Variants in GALNT13 observed in about 807,000 individuals in gnomAD.
The protein encoded by GALNT13 is polypeptide N-acetylgalactosaminyltransferase 13, also known as UDP-GalNAc:polypeptide N-acetylgalactosaminyltransferase 13.
In GALNT13, 28 loss-of-function variants were observed where a neutral mutation model predicts 64.2. The observed-to-expected ratio is 0.44, with a 90% CI of 0.32 to 0.60. The LOEUF (loss-of-function observed/expected upper bound fraction) is 0.60. Ranked by LOEUF, GALNT13 falls within the 20% of genes least tolerant of loss-of-function variation. The pLI, the probability that GALNT13 is intolerant of heterozygous loss-of-function variation, is 0.05. For synonymous variants in GALNT13, 214 were observed against 224.6 expected (o/e 0.95, Z 0.42); for missense variants, 577 against 669.8 (o/e 0.86, Z 1.53).
At chr2:153,082,763 ATATATAT>A in the GALNT13 span, among the ~76,000 whole-genome samples, 1 of 145,722 alleles carries the variant, frequency 6.9e-6, no homozygotes, top group African/African-American at 2.5e-5. Context: ...AATAAATAAA[ATATATAT>A]TATTTATTGA....
In GALNT13 at chr2:154,298,479, A is replaced by ATTT. The variant is rs1693077890; in HGVS notation, c.976-2930_976-2929insTTT. ...TATATACATATATAAATTATATATA[A>ATTT]ATTATATATAAATTATATATACATA... On this transcript the variant is annotated intron_variant, in intron 8 of 12. Coordinates refer to ENST00000392825, the MANE Select transcript of GALNT13 (RefSeq NM_052917.4). Among the ~76,000 whole-genome samples the ATTT allele has an allele frequency of 1.1e-4, 14 of 133,100 alleles. No individual in the cohort carries two copies. The South Asian group carries it at 2.2e-3, about 21-fold the overall frequency. The allele number at this position is 133,100 out of a possible 152,430, so 87.3% of individuals were successfully genotyped here.
intron 10 of GALNT13, among the ~76,000 whole-genome samples, chr2:154,399,401 C>T (rs778069748): frequency 3.1e-4 from 47 of 152,032 alleles, no homozygotes; most frequent in Non-Finnish European, 1.5e-4. Context: ...AGGTGCCAAC[C>T]GATTTAGTGT....
At chr2:153,623,961 G>A in the GALNT13 span, among the ~76,000 whole-genome samples, 1 of 152,150 alleles carries the variant, frequency 6.6e-6, no homozygotes, top group Admixed American at 6.6e-5. Flanking sequence ...TCATGCACAT[G>A]TTGTTTAGAA....
the GALNT13 span, among the ~76,000 whole-genome samples, chr2:153,645,125 A>G: frequency 6.6e-6 from 1 of 152,298 alleles, no homozygotes; most frequent in South Asian, 2.1e-4. Flanking sequence ...GCAAAGAGTT[A>G]GAGGCAAGGT....
At chr2:154,038,294 A>C (rs973387668) in intron 3 of GALNT13, among the ~76,000 whole-genome samples, 8 of 152,162 alleles carry the variant, frequency 5.3e-5, no homozygotes, top group Non-Finnish European at 1.2e-4. Flanking sequence ...TTGAACCACA[A>C]AACACTTTGA....
the GALNT13 span, among the ~76,000 whole-genome samples, chr2:153,238,617 C>G: frequency 1.3e-5 from 2 of 151,886 alleles, no homozygotes; most frequent in East Asian, 1.9e-4. Context: ...GCTCTTGGCA[C>G]CTTTGTAGAA....
chr2:153,708,572 T>A, the GALNT13 span, among the ~76,000 whole-genome samples: 1 of 152,148 alleles, frequency 6.6e-6, no homozygotes, highest in Non-Finnish European at 1.5e-5. Context: ...GGACTGTGGC[T>A]TTAGTGTAAA....
chr2:153,786,664 A>G, the GALNT13 span, among the ~76,000 whole-genome samples: 1 of 151,966 alleles, frequency 6.6e-6, no homozygotes. Context: ...AGCTCATGCC[A>G]GCAGTGCAGC....
chr2:154,331,084 T>C (rs1475229142), intron 9 of GALNT13, among the ~76,000 whole-genome samples: 2 of 152,120 alleles, frequency 1.3e-5, no homozygotes, highest in Non-Finnish European at 2.9e-5. Flanking sequence ...TCATTATACA[T>C]ATTCCCTTTA....
chr2:154,063,234 A>G (rs1177716408), intron 3 of GALNT13, among the ~76,000 whole-genome samples: 2 of 152,158 alleles, frequency 1.3e-5, no homozygotes, highest in African/African-American at 4.8e-5. Context: ...TTGATCCTGC[A>G]TACCATCAAG....
chr2:154,335,122 C>T (rs1203689442), intron 9 of GALNT13, among the ~76,000 whole-genome samples: 1 of 151,950 alleles, frequency 6.6e-6, no homozygotes, highest in East Asian at 1.9e-4. Flanking sequence ...TTTCATTCTA[C>T]ACCCTACTTT....
chr2:153,336,002 C>T, the GALNT13 span, among the ~76,000 whole-genome samples: 15 of 152,260 alleles, frequency 9.9e-5, no homozygotes, highest in African/African-American at 3.6e-4. Context: ...AGTGGAAGCC[C>T]CAAGCCTTGG....
the GALNT13 span, among the ~76,000 whole-genome samples, chr2:153,673,564 T>C: frequency 5.3e-5 from 8 of 152,064 alleles, no homozygotes; most frequent in Admixed American, 5.2e-4. Context: ...TATCTCAAAA[T>C]AATAAGAGCT....
At chr2:154,363,460 A>G (rs1697191506) in intron 9 of GALNT13, among the ~76,000 whole-genome samples, 1 of 152,128 alleles carries the variant, frequency 6.6e-6, no homozygotes, top group Non-Finnish European at 1.5e-5. Context: ...ATCTCCATCA[A>G]TCCATCAGCT....
intron 9 of GALNT13, among the ~76,000 whole-genome samples, chr2:154,381,550 A>T (rs748626420): frequency 3.3e-5 from 5 of 152,056 alleles, no homozygotes; most frequent in Non-Finnish European, 5.9e-5. Context: ...GGAACATTGT[A>T]TCCCCATCAC....
In GALNT13 at chr2:153,875,310, G is replaced by A. The variant is rs375341995; in HGVS notation, c.-177+3007G>A. Among the ~76,000 whole-genome samples, 40 of 152,150 alleles carry A rather than the reference G, an allele frequency of 2.6e-4. No homozygotes were observed. The East Asian group carries it at 5.2e-3, about 20-fold the overall frequency. ...AGTATGGTGCAGGAGCATGTTCAAA[G>A]CAATTTTTCTTTAAAAATATTATTT... On this transcript the variant is annotated intron_variant, in intron 1 of 12. Coordinates refer to ENST00000392825, the MANE Select transcript of GALNT13 (RefSeq NM_052917.4).
chr2:153,767,893 T>A, the GALNT13 span, among the ~76,000 whole-genome samples: 1 of 152,186 alleles, frequency 6.6e-6, no homozygotes, highest in Non-Finnish European at 1.5e-5. Context: ...TCTCTGATTA[T>A]TTAAGTGGTC....
chr2:154,035,343 A>G (rs909913459), intron 3 of GALNT13, among the ~76,000 whole-genome samples: 1 of 151,896 alleles, frequency 6.6e-6, no homozygotes, highest in Non-Finnish European at 1.5e-5. Flanking sequence ...TGGTATAAGT[A>G]TTTATTAGAA....
the GALNT13 span, among the ~76,000 whole-genome samples, chr2:153,796,631 A>G: frequency 6.6e-6 from 1 of 152,330 alleles, no homozygotes; most frequent in East Asian, 1.9e-4. Context: ...AATTCAATAC[A>G]TGTATCCAAA....
Sources: gnomAD v4.1 joint callset for allele counts (sites outside exome capture counted in the v4.1 genomes callset) on GRCh38, gnomAD v4.1.1 for gene constraint, MANE v1.5 for transcripts, NCBI Gene and HGNC (gene_info 2026-07-23, HGNC 2026-07-21) for gene names.